Variants in UNC13C observed in about 807,000 individuals in gnomAD.
UNC13C encodes protein unc-13 homolog C.
A neutral mutation model predicts 245.4 loss-of-function variants in UNC13C; 174 were observed. The ratio of observed to expected loss-of-function variants is 0.71; its 90% confidence interval spans 0.63 to 0.80. The LOEUF (loss-of-function observed/expected upper bound fraction) is 0.80. Ranked by LOEUF, UNC13C falls within the 30% of genes least tolerant of loss-of-function variation. The pLI is 0.00. For synonymous variants in UNC13C, 992 were observed against 895.1 expected (o/e 1.11, Z -1.93); for missense variants, 2,829 against 2,602.9 (o/e 1.09, Z -1.89).
At chr15:54,060,160 C>T (rs1267434346) in intron 2 of UNC13C, among the ~76,000 whole-genome samples, 3 of 152,046 alleles carry the variant, frequency 2.0e-5, no homozygotes, top group East Asian at 3.9e-4. Flanking sequence ...CAAAAGAAAC[C>T]ACCATCAGAG....
At chr15:54,194,368 A>G (rs77087796) in intron 4 of UNC13C, among the ~76,000 whole-genome samples, 4,659 of 152,212 alleles carry the variant, frequency 0.031, 240 homozygotes, top group African/African-American at 0.11. Context: ...TGGTAACAAT[A>G]ACATCCTCCG....
chr15:54,051,422 T>C (rs1897260988), intron 2 of UNC13C, among the ~76,000 whole-genome samples: 1 of 152,084 alleles, frequency 6.6e-6, no homozygotes, highest in African/African-American at 2.4e-5. Context: ...CAAACTTCTA[T>C]TTGTATTTGG....
chr15:54,237,369 C>T (rs1425288731), intron 6 of UNC13C, among the ~76,000 whole-genome samples: 1 of 152,090 alleles, frequency 6.6e-6, no homozygotes. Context: ...GTCATCTTGC[C>T]TTTCTGGGCC....
At chr15:54,145,862 C>G (rs1337681533) in intron 4 of UNC13C, among the ~76,000 whole-genome samples, 1 of 152,200 alleles carries the variant, frequency 6.6e-6, no homozygotes, top group Admixed American at 6.5e-5. Flanking sequence ...AATCTACATC[C>G]ATGCTTTTGT....
chr15:53,883,891 T>A, the UNC13C span, among the ~76,000 whole-genome samples: 1 of 152,322 alleles, frequency 6.6e-6, no homozygotes, highest in African/African-American at 2.4e-5. Flanking sequence ...AATAAGTATA[T>A]AAAATATTAC....
chr15:53,991,657 T>G (rs2140960780), intron 1 of UNC13C, among the ~76,000 whole-genome samples: 1 of 152,186 alleles, frequency 6.6e-6, no homozygotes, highest in South Asian at 2.1e-4. Flanking sequence ...TTCTTGCCTC[T>G]AGGAACTGCA....
At chr15:54,211,172 T>A (rs2140749948) in intron 4 of UNC13C, among the ~76,000 whole-genome samples, 1 of 152,214 alleles carries the variant, frequency 6.6e-6, no homozygotes, top group Non-Finnish European at 1.5e-5. Context: ...TCACTGTAAA[T>A]TACGCAGCTA....
the UNC13C span, among the ~76,000 whole-genome samples, chr15:53,884,604 G>A: frequency 2.6e-4 from 40 of 152,192 alleles, no homozygotes; most frequent in African/African-American, 9.2e-4. Flanking sequence ...CAAAATGCTG[G>A]GATTACAGGT....
At chr15:54,301,264 C>T (rs2037572211) in intron 13 of UNC13C, among the ~76,000 whole-genome samples, 2 of 149,496 alleles carry the variant, frequency 1.3e-5, no homozygotes, top group Admixed American at 6.7e-5. Context: ...GAAGACTGGG[C>T]CAAAATCAGT....
At chr15:53,854,736 C>T in the UNC13C span, among the ~76,000 whole-genome samples, 1 of 152,088 alleles carries the variant, frequency 6.6e-6, no homozygotes, top group South Asian at 2.1e-4. Flanking sequence ...CGTGATGCCT[C>T]CAGCTTTGTT....
intron 30 of UNC13C, among the ~76,000 whole-genome samples, chr15:54,590,568 T>A (rs906394641): frequency 2.0e-5 from 3 of 152,174 alleles, no homozygotes; most frequent in African/African-American, 7.2e-5. Context: ...TAAAAGGGGT[T>A]GAGTTCTTGA....
intron 26 of UNC13C, among the ~76,000 whole-genome samples, chr15:54,534,999 A>G (rs1348418696): frequency 2.0e-5 from 3 of 152,172 alleles, no homozygotes; most frequent in Non-Finnish European, 4.4e-5. Flanking sequence ...TAACTACACA[A>G]TCAAGTCTGC....
the UNC13C span, among the ~76,000 whole-genome samples, chr15:53,862,565 A>G: frequency 1.4e-4 from 21 of 152,130 alleles, no homozygotes; most frequent in Admixed American, 6.6e-5. Flanking sequence ...CAGGGTCTTA[A>G]TAGGTTTGTT....
intron 17 of UNC13C, among the ~76,000 whole-genome samples, chr15:54,375,937 A>T (rs1414521855): frequency 1.3e-4 from 20 of 152,222 alleles, no homozygotes. Context: ...ACAGCAAAAG[A>T]AAACAAACAC....
intron 30 of UNC13C, among the ~76,000 whole-genome samples, chr15:54,583,522 A>C (rs1184296914): frequency 6.6e-6 from 1 of 152,194 alleles, no homozygotes; most frequent in Non-Finnish European, 1.5e-5. Context: ...ATAATAGAAG[A>C]ACCTAGAAAT....
chr15:54,499,945 A>T, intron 20 of UNC13C, 134 bp from the exon 21 acceptor site: 1 of 672,760 alleles, frequency 1.5e-6, no homozygotes, highest in Non-Finnish European at 2.4e-6. Context: ...GTCTCTGAGG[A>T]AGCAAAACTG....
intron 13 of UNC13C, among the ~76,000 whole-genome samples, chr15:54,317,300 C>G (rs1444587096): frequency 6.6e-6 from 1 of 151,880 alleles, no homozygotes; most frequent in Non-Finnish European, 1.5e-5. Context: ...AACTATATAA[C>G]TCAAGACTAC....
intron 19 of UNC13C, among the ~76,000 whole-genome samples, chr15:54,443,867 T>A (rs1025059963): frequency 1.3e-5 from 2 of 152,062 alleles, no homozygotes; most frequent in Admixed American, 1.3e-4. Context: ...ATGAGAAGAA[T>A]GTATATTCCG....
At chr15:54,502,172 C>T (rs1894246857) in intron 22 of UNC13C, among the ~76,000 whole-genome samples, 1 of 152,086 alleles carries the variant, frequency 6.6e-6, no homozygotes, top group South Asian at 2.1e-4. Context: ...CTATATGCCT[C>T]ACTCGCACAC....
Sources: gnomAD v4.1 joint callset for allele counts (sites outside exome capture counted in the v4.1 genomes callset) on GRCh38, gnomAD v4.1.1 for gene constraint, MANE v1.5 for transcripts, NCBI Gene and HGNC (gene_info 2026-07-23, HGNC 2026-07-21) for gene names.